CNOT4: variants seen among roughly 807,000 people sequenced by gnomAD.
CNOT4 encodes CCR4-NOT transcription complex subunit 4.
A neutral mutation model predicts 73.8 loss-of-function variants in CNOT4; 8 were observed. That is an observed-to-expected ratio of 0.11 (90% confidence interval 0.06 to 0.20). The LOEUF (loss-of-function observed/expected upper bound fraction) is 0.20. Ranked by LOEUF, CNOT4 falls within the 10% of genes least tolerant of loss-of-function variation. The probability of loss-of-function intolerance (pLI) is 1.00; values close to 1 mark genes in which losing one functional copy is unlikely to be tolerated. For missense variants in CNOT4, 564 were observed against 883.4 expected (o/e 0.64, Z 4.58); for synonymous variants, 293 against 321.1 (o/e 0.91, Z 0.94).
intron 1 of CNOT4, among the ~76,000 whole-genome samples, chr7:135,471,027 T>C (rs894743134): frequency 6.6e-6 from 1 of 152,196 alleles, no homozygotes; most frequent in African/African-American, 2.4e-5. Context: ...TCGACTTAAT[T>C]CCATGTCTGC....
chr7:135,367,909 T>C (rs536993096), intron 10 of CNOT4, among the ~76,000 whole-genome samples: 7 of 152,190 alleles, frequency 4.6e-5, no homozygotes, highest in Non-Finnish European at 1.0e-4. Context: ...GTATAATACA[T>C]CAGGGAATGA....
chr7:135,379,255 G>A (rs1795704317), intron 10 of CNOT4, among the ~76,000 whole-genome samples: 1 of 152,178 alleles, frequency 6.6e-6, no homozygotes. Flanking sequence ...TGCAGGGCTT[G>A]TGTATTTGGA....
At chr7:135,468,338 A>T (rs553473947) in intron 1 of CNOT4, among the ~76,000 whole-genome samples, 1 of 152,128 alleles carries the variant, frequency 6.6e-6, no homozygotes, top group East Asian at 1.9e-4. Context: ...GCAAAGGAAC[A>T]ATACATTTCC....
At chr7:135,386,995 G>A (rs1796151958) in intron 10 of CNOT4, 2 of 697,778 alleles carry the variant, frequency 2.9e-6, no homozygotes, top group South Asian at 1.3e-4. Context: ...AAGGCTTTGA[G>A]CTAGTAAGCA....
At chr7:135,444,672 G>A in intron 1 of CNOT4, 1 of 1,176,830 alleles carries the variant, frequency 8.5e-7, no homozygotes, top group Non-Finnish European at 1.3e-6. Flanking sequence ...GGTTTTCAGT[G>A]TTTTGCTCCT....
At chr7:135,375,096 T>C (rs1795447614) in intron 10 of CNOT4, among the ~76,000 whole-genome samples, 1 of 152,178 alleles carries the variant, frequency 6.6e-6, no homozygotes, top group Non-Finnish European at 1.5e-5. Context: ...AAGAACTCTA[T>C]AAACATAAGG....
rs575318879 is a variant in CNOT4 at position 135,488,352 on chromosome 7, A to G, written c.-93+21537T>C. 8.5e-5 allele frequency among the ~76,000 whole-genome samples: 13 copies of G among 152,288 alleles called. No individual in the cohort carries two copies. The East Asian group carries it at 2.5e-3, about 29-fold the overall frequency. Reference sequence around the variant, plus strand: ...CCTGAGGCAAGACAATCGTACCACTACAGGCACATGCCATCACACCCAGCT... The same window carrying G: ...CCTGAGGCAAGACAATCGTACCACTGCAGGCACATGCCATCACACCCAGCT... On this transcript the variant is annotated intron_variant, in intron 1 of 11. Coordinates refer to ENST00000541284, the MANE Select transcript of CNOT4 (RefSeq NM_001190850.2).
At chr7:135,439,258 C>T (rs1240272073) in intron 1 of CNOT4, among the ~76,000 whole-genome samples, 1 of 152,036 alleles carries the variant, frequency 6.6e-6, no homozygotes, top group African/African-American at 2.4e-5. Flanking sequence ...CTATAGTAAT[C>T]CCCACCAAAA....
At chr7:135,442,602 AAAAT>A in intron 1 of CNOT4, among the ~76,000 whole-genome samples, 1 of 152,348 alleles carries the variant, frequency 6.6e-6, no homozygotes, top group South Asian at 2.1e-4. Context: ...CTTCGTTTCA[AAAAT>A]AAATAAGTAA....
Position 135,478,507 on chromosome 7 carries a change from G to A in CNOT4, c.-93+31382C>T, listed in dbSNP as rs574806773. ...CACTTGTGTTCAGGAGTTCAAGACCGGCCTGGGCAACTGGGGAGACCCTGT... is the reference window on the plus strand; with the variant it reads ...CACTTGTGTTCAGGAGTTCAAGACCAGCCTGGGCAACTGGGGAGACCCTGT... On this transcript the variant is annotated intron_variant, in intron 1 of 11. Transcript: ENST00000541284. Among the ~76,000 whole-genome samples the A allele has an allele frequency of 1.3e-3, 194 of 152,162 alleles. 3 individuals are homozygous for A. Among genetic ancestry groups the A allele is most frequent in the African/African-American group, 4.2e-3 (176 of 41,550 alleles).
chr7:135,365,013 T>C (rs1794838716), intron 10 of CNOT4, among the ~76,000 whole-genome samples: 1 of 152,180 alleles, frequency 6.6e-6, no homozygotes, highest in East Asian at 1.9e-4. Flanking sequence ...CTGGAGTTTT[T>C]GAAAAAAGCA....
At chr7:135,365,873 G>T (rs1426273189) in intron 10 of CNOT4, among the ~76,000 whole-genome samples, 2 of 152,132 alleles carry the variant, frequency 1.3e-5, no homozygotes, top group Non-Finnish European at 2.9e-5. Flanking sequence ...AACTACATGA[G>T]ACACAAACAA....
intron 2 of CNOT4, among the ~76,000 whole-genome samples, chr7:135,428,097 G>T (rs1798606675): frequency 6.6e-6 from 1 of 152,158 alleles, no homozygotes; most frequent in South Asian, 2.1e-4. Flanking sequence ...AAAGTAGGTA[G>T]GGGAAAACCA....
intron 1 of CNOT4, among the ~76,000 whole-genome samples, chr7:135,494,058 C>T (rs1278561977): frequency 4.3e-5 from 6 of 139,994 alleles, no homozygotes; most frequent in African/African-American, 1.6e-4. Flanking sequence ...TTCAAGAAAA[C>T]CTGTACCAAA....
intron 1 of CNOT4, among the ~76,000 whole-genome samples, chr7:135,470,113 G>A (rs144202092): frequency 1.6e-4 from 24 of 148,932 alleles, no homozygotes; most frequent in Non-Finnish European, 2.8e-4. Flanking sequence ...GTGAGACACC[G>A]TGCCGAGCCT....
chr7:135,459,018 C>G (rs1054641749), intron 1 of CNOT4, among the ~76,000 whole-genome samples: 1 of 152,030 alleles, frequency 6.6e-6, no homozygotes, highest in South Asian at 2.1e-4. Flanking sequence ...TCACTATCTA[C>G]AGCAACTATA....
intron 10 of CNOT4, among the ~76,000 whole-genome samples, chr7:135,381,232 A>G (rs1313456325): frequency 1.3e-5 from 2 of 152,248 alleles, no homozygotes; most frequent in African/African-American, 4.8e-5. Flanking sequence ...TACTACATTC[A>G]TTAAGTGGAA....
At chr7:135,394,751 T>C (rs769710079) in intron 9 of CNOT4, among the ~76,000 whole-genome samples, 1 of 152,152 alleles carries the variant, frequency 6.6e-6, no homozygotes, top group Non-Finnish European at 1.5e-5. Flanking sequence ...ATATAACAGA[T>C]TTTAATTAGT....
At chr7:135,508,000 TTTAC>T (rs1804488323) in intron 1 of CNOT4, among the ~76,000 whole-genome samples, 1 of 152,180 alleles carries the variant, frequency 6.6e-6, no homozygotes, top group South Asian at 2.1e-4. Context: ...CTAACCTTAG[TTTAC>T]ATTTGGTAAA....
Sources: gnomAD v4.1 joint callset for allele counts (sites outside exome capture counted in the v4.1 genomes callset) on GRCh38, gnomAD v4.1.1 for gene constraint, MANE v1.5 for transcripts, NCBI Gene and HGNC (gene_info 2026-07-23, HGNC 2026-07-21) for gene names.